GREB1L: variants seen among roughly 807,000 people sequenced by gnomAD.
GREB1L encodes the protein GREB1-like protein.
Under a neutral mutation model 200.8 loss-of-function variants are expected in GREB1L, and 17 were observed. The ratio of observed to expected loss-of-function variants is 0.08; its 90% CI spans 0.06 to 0.13. GREB1L has a LOEUF of 0.13. GREB1L is among the 10% of genes least tolerant of loss of function. The probability of loss-of-function intolerance (pLI) is 1.00; values close to 1 mark genes in which losing one functional copy is unlikely to be tolerated. For missense variants in GREB1L, 1,657 were observed against 2,367.7 expected (o/e 0.70, Z 6.23); for synonymous variants, 789 against 893.0 (o/e 0.88, Z 2.08).
In GREB1L at chr18:21,246,970, T is replaced by C. The variant is rs181214399; in HGVS notation, c.-120+4577T>C. ...TTATGCCCACTGACTTGAGTTCTTA[T>C]ATAGTCAAGGTAATTTAGACTACAA... On this transcript the variant is annotated intron_variant, in intron 1 of 32. Coordinates refer to ENST00000424526, the MANE Select transcript of GREB1L (RefSeq NM_001142966.3). Among the ~76,000 whole-genome samples the C allele has an allele frequency of 3.9e-5, 6 of 152,334 alleles. No homozygotes were observed. The East Asian group carries it at 1.2e-3, about 29-fold the overall frequency.
At chr18:21,522,516 A>G in intron 32 of GREB1L, 142 bp from the exon 33 acceptor site, 1 of 651,644 alleles carries the variant, frequency 1.5e-6, no homozygotes. Flanking sequence ...AAAACTACTT[A>G]ATAAAATAAA....
chr18:21,287,793 C>CTTT (rs534899512), intron 1 of GREB1L, among the ~76,000 whole-genome samples: 7 of 133,318 alleles, frequency 5.3e-5, no homozygotes, highest in African/African-American at 8.3e-5. Context: ...AGTTTAAAAT[C>CTTT]TTTTTTTTTT....
At chr18:21,357,417 C>G (rs1406765145) in intron 1 of GREB1L, among the ~76,000 whole-genome samples, 1 of 152,202 alleles carries the variant, frequency 6.6e-6, no homozygotes, top group Non-Finnish European at 1.5e-5. Flanking sequence ...AGCATTTTCT[C>G]CTATCCTGTA....
chr18:21,393,345 G>A (rs1237778527), intron 4 of GREB1L, among the ~76,000 whole-genome samples: 1 of 152,094 alleles, frequency 6.6e-6, no homozygotes, highest in African/African-American at 2.4e-5. Flanking sequence ...TGCCCAGGCT[G>A]GAGTGCAGTG....
At chr18:21,372,478 C>T (rs565290701) in intron 2 of GREB1L, among the ~76,000 whole-genome samples, 5 of 152,082 alleles carry the variant, frequency 3.3e-5, no homozygotes, top group African/African-American at 1.2e-4. Context: ...ATACCTGACA[C>T]GAGAGATTTT....
chr18:21,449,902 G>A, intron 12 of GREB1L, 66 bp downstream of exon 12: 2 of 1,237,748 alleles, frequency 1.6e-6, no homozygotes, highest in Non-Finnish European at 2.2e-6. Context: ...ATTTAAAAAT[G>A]TGTGTTATGT....
chr18:21,330,480 G>A (rs370536305), intron 1 of GREB1L, among the ~76,000 whole-genome samples: 204 of 152,238 alleles, frequency 1.3e-3, no homozygotes, highest in African/African-American at 4.7e-3. Context: ...CTCTAGATCC[G>A]TTTCCATTTC....
At chr18:21,414,923 T>C (rs2031476671) in intron 7 of GREB1L, among the ~76,000 whole-genome samples, 1 of 152,172 alleles carries the variant, frequency 6.6e-6, no homozygotes, top group Non-Finnish European at 1.5e-5. Context: ...AGAATAGTGA[T>C]CCCTGAGAGA....
intron 1 of GREB1L, among the ~76,000 whole-genome samples, chr18:21,278,892 G>T (rs950743976): frequency 6.6e-6 from 1 of 152,078 alleles, no homozygotes; most frequent in Non-Finnish European, 1.5e-5. Flanking sequence ...ATTAACATTA[G>T]AATAGTCTAA....
At position 21,508,202 on chromosome 18, in the gene GREB1L, T is replaced by C; in HGVS notation, c.4453T>C (p.Ser1485Pro). ...TCAGCTCTATTTCATCATTCCCAAA[T>C]CCAAAGAGAGTCATTTTGTCTTCAG... The part of the protein sequence containing the change: ...EVQLYFIIPK[S>P]KESHFVFSKQ... Residue 1485 changes from serine to proline, a missense_variant, in exon 26 of 33, where the codon TCC becomes CCC. Physicochemically the swap from Ser to Pro is moderately conservative, Grantham distance 74 (BLOSUM62 -1). Around this residue, in one of 9 missense-constraint regions of GREB1L, gnomAD observed 512 missense variants for 668.3 expected, o/e 0.77. Transcript: ENST00000424526. 10 of 1,551,680 alleles carry C rather than the reference T, an allele frequency of 6.4e-6. No homozygotes were observed. The highest frequency in any genetic ancestry group is 8.7e-6 in the Non-Finnish European group (10 of 1,146,984).
In GREB1L at chr18:21,500,584, C is replaced by G; in HGVS notation, c.4014C>G (p.Phe1338Leu). 1.3e-6 allele frequency: 2 copies of G among 1,551,372 alleles called. No homozygotes were observed. Among genetic ancestry groups the G allele is most frequent in the Non-Finnish European group, 1.7e-6 (2 of 1,146,900 alleles). Reference sequence around the variant, plus strand: ...ATTTACAGTTCCTCAGGATCCTCTTCCGCATGCTCATCAGGCTCCTGGAGG... The same window carrying G: ...ATTTACAGTTCCTCAGGATCCTCTTGCGCATGCTCATCAGGCTCCTGGAGG... The part of the protein sequence containing the change: ...GSYLQFLRIL[F>L]RMLIRLLEVD... Residue 1338 changes from phenylalanine (F) to leucine (L), a missense_variant, in exon 23 of 33, where the codon TTC (phenylalanine) becomes TTG (leucine). By Grantham distance (22) the Phe-to-Leu change is conservative. Around this residue, in one of 9 missense-constraint regions of GREB1L, gnomAD observed 512 missense variants for 668.3 expected, o/e 0.77. Coordinates refer to ENST00000424526, the MANE Select transcript of GREB1L (RefSeq NM_001142966.3).
intron 4 of GREB1L, among the ~76,000 whole-genome samples, chr18:21,394,892 G>A (rs1279056312): frequency 1.4e-5 from 2 of 140,816 alleles, no homozygotes; most frequent in South Asian, 2.2e-4. Context: ...TCAGGAGTTC[G>A]AAACCAGCCT....
rs149272597 is a variant in GREB1L, at chr18:21,355,427, C to G, written c.-119-10600C>G. On this transcript the variant is annotated intron_variant, in intron 1 of 32. Transcript: ENST00000424526. ...CAGGCTGGTCTGAAACTCCTGACCT[C>G]GTGATCCACCTGCCTCGGCCTCCCA... Among the ~76,000 whole-genome samples, 1,262 of 152,126 alleles carry G rather than the reference C, an allele frequency of 8.3e-3. 105 individuals are homozygous for G. The East Asian group carries it at 0.2, about 24-fold the overall frequency.
At position 21,278,394 on chromosome 18, in the gene GREB1L, AAATAAATAAAT is replaced by A. The variant is rs1567919394; in HGVS notation, c.-120+36004_-120+36014del. On this transcript the variant is annotated intron_variant, in intron 1 of 32. Coordinates refer to ENST00000424526, the MANE Select transcript of GREB1L (RefSeq NM_001142966.3). ...AGACTCCATCTCAAAAAAAAAAAAT[AAATAAATAAAT>A]AAATAAATAAATAAATAAATAAATA... Among the ~76,000 whole-genome samples the A allele has an allele frequency of 9.8e-3, 1,102 of 111,984 alleles. 20 individuals carry two copies. Among genetic ancestry groups the A allele is most frequent in the African/African-American group, 0.04 (991 of 25,022 alleles). The allele number at this position is 111,984 out of a possible 152,430, so 73.5% of individuals were successfully genotyped here. A position where few individuals can be genotyped will look rare whatever the true frequency, so the allele number is the denominator to read the frequency against.
At chr18:21,502,085 C>T (rs538149609) in intron 23 of GREB1L, among the ~76,000 whole-genome samples, 1 of 152,234 alleles carries the variant, frequency 6.6e-6, no homozygotes, top group Non-Finnish European at 1.5e-5. Context: ...AACCCTGTCT[C>T]TACTAAAAAT....
Position 21,300,042 on chromosome 18 carries a change from G to A in GREB1L, c.-120+57649G>A, listed in dbSNP as rs181333101. On this transcript the variant is annotated intron_variant, in intron 1 of 32. Transcript: ENST00000424526. Reference sequence around the variant, plus strand: ...TTTTTAAAGAATTCCTTAATGCATCGATCAGTAGTTTATATCCTTAAAGAA... The same window carrying A: ...TTTTTAAAGAATTCCTTAATGCATCAATCAGTAGTTTATATCCTTAAAGAA... Among the ~76,000 whole-genome samples, 39 of 152,052 alleles carry A rather than the reference G, an allele frequency of 2.6e-4. No homozygotes were observed. The East Asian group carries it at 6.0e-3, about 23-fold the overall frequency.
chr18:21,242,923 C>G (rs1043170479), intron 1 of GREB1L, among the ~76,000 whole-genome samples: 2 of 152,116 alleles, frequency 1.3e-5, no homozygotes, highest in African/African-American at 4.8e-5. Flanking sequence ...TGGAGTTCAG[C>G]CTGGGAAAGT....
intron 15 of GREB1L, among the ~76,000 whole-genome samples, chr18:21,457,148 A>G (rs1342729448): frequency 6.6e-6 from 1 of 152,206 alleles, no homozygotes; most frequent in Non-Finnish European, 1.5e-5. Context: ...TTTTTGACAG[A>G]TGAATAAATT....
chr18:21,441,734 A>G (rs1293652238), intron 10 of GREB1L, among the ~76,000 whole-genome samples, 197 bp downstream of exon 10: 1 of 152,192 alleles, frequency 6.6e-6, no homozygotes. Flanking sequence ...TTTGCCCTCA[A>G]GGAGCACTGT....
Sources: gnomAD v4.1 joint callset for allele counts (sites outside exome capture counted in the v4.1 genomes callset) on GRCh38, gnomAD v4.1.1 for gene constraint, gnomAD v4.1.1 regional missense constraint, MANE v1.5 for transcripts, NCBI Gene and HGNC (gene_info 2026-07-23, HGNC 2026-07-21) for gene names.